The following SRGAP1 variants were observed in gnomAD, a reference collection of about 807,000 sequenced individuals.
SRGAP1 encodes SLIT-ROBO Rho GTPase activating protein 1.
In SRGAP1, 43 loss-of-function variants were observed where a neutral mutation model predicts 121.9. The observed-to-expected ratio is 0.35, with a 90% confidence interval of 0.28 to 0.46. The LOEUF (loss-of-function observed/expected upper bound fraction) is 0.46, where lower values mean the gene tolerates loss of function less well. SRGAP1 is among the 20% of genes least tolerant of loss of function. SRGAP1 has a pLI of 1.00. For missense variants in SRGAP1, 1,102 were observed against 1,350.9 expected (o/e 0.82, Z 2.89); for synonymous variants, 447 against 485.4 (o/e 0.92, Z 1.04).
At chr12:63,848,781 A>T (rs1339462930) in intron 1 of SRGAP1, among the ~76,000 whole-genome samples, 2 of 152,186 alleles carry the variant, frequency 1.3e-5, no homozygotes, top group Non-Finnish European at 2.9e-5. Context: ...TTGCCTCATA[A>T]AATTTTCAAG....
At chr12:63,887,559 C>T (rs1250553271) in intron 1 of SRGAP1, 1 of 152,190 alleles carries the variant, frequency 6.6e-6, no homozygotes, top group Non-Finnish European at 1.5e-5. Flanking sequence ...TCCCAGGGGC[C>T]ATTTGCTCCC....
intron 1 of SRGAP1, among the ~76,000 whole-genome samples, chr12:63,945,999 A>G (rs1054144544): frequency 1.2e-4 from 18 of 152,194 alleles, no homozygotes; most frequent in South Asian, 4.2e-4. Context: ...TCACCCACAC[A>G]TACCTTCCTA....
chr12:64,084,271 AT>A (rs1260341669), intron 10 of SRGAP1, among the ~76,000 whole-genome samples: 2 of 152,100 alleles, frequency 1.3e-5, no homozygotes, highest in Non-Finnish European at 2.9e-5. Flanking sequence ...CTGAAAAAAA[AT>A]GTTTGAACCA....
At chr12:64,132,629 G>T (rs183259812) in intron 21 of SRGAP1, among the ~76,000 whole-genome samples, 2 of 152,198 alleles carry the variant, frequency 1.3e-5, no homozygotes, top group African/African-American at 4.8e-5. Context: ...GAGGTAGAAG[G>T]TCCCTGAATT....
chr12:64,046,295 T>C (rs2035128846), intron 6 of SRGAP1, among the ~76,000 whole-genome samples: 1 of 152,170 alleles, frequency 6.6e-6, no homozygotes, highest in African/African-American at 2.4e-5. Flanking sequence ...CTATGTGTGA[T>C]GGGGAGCCAT....
intron 1 of SRGAP1, among the ~76,000 whole-genome samples, chr12:63,856,252 C>CTAAA (rs79879818): frequency 0.12 from 17,915 of 146,166 alleles, 1,193 homozygotes; most frequent in Non-Finnish European, 0.14. Flanking sequence ...AACTCCGTCT[C>CTAAA]TAAATAAATA....
chr12:63,954,688 A>AAAAAAAAAAAAAAAAAAAG (rs57230527), intron 1 of SRGAP1, among the ~76,000 whole-genome samples: 6 of 130,216 alleles, frequency 4.6e-5, no homozygotes, highest in African/African-American at 8.5e-5. Context: ...AAAAAAAAAA[A>AAAAAAAAAAAAAAAAAAAG]AAAAGAAAAG....
chr12:64,131,924 C>T (rs569719067), intron 21 of SRGAP1, among the ~76,000 whole-genome samples: 1 of 152,184 alleles, frequency 6.6e-6, no homozygotes, highest in South Asian at 2.1e-4. Flanking sequence ...TGCCTGTAAT[C>T]CCAGCACTTT....
In SRGAP1 at chr12:64,016,970, A is replaced by C. The variant is rs781626187; in HGVS notation, c.447A>C (p.Gln149His). The C allele has an allele frequency of 7.0e-5, 108 of 1,551,060 alleles. No individual in the cohort carries two copies. Among genetic ancestry groups the C allele is most frequent in the Non-Finnish European group, 8.9e-5 (101 of 1,129,572 alleles). The stretch of plus-strand genomic sequence containing the variant: ...TACAGAGCAAAGAGATTGCATTCCA[A>C]CTTCATGAGGATTTAATGAAGGTTC... ...MFKKSKEIAF[Q>H]LHEDLMKVLN... Residue 149 changes from glutamine (Q) to histidine (H), a missense_variant, in exon 4 of 22, where the codon CAA becomes CAC. Transcript: ENST00000355086.
Position 64,097,369 on chromosome 12 carries a change from T to A in SRGAP1, c.1807T>A (p.Cys603Ser). ...PKERFNDLIS[C>S]IRIDNLYERA... ...GGAAAGATTTAACGATCTGATTTCTTGTATCAGTAAGTGGACATTTTTTTC... is the reference window on the plus strand; with the variant it reads ...GGAAAGATTTAACGATCTGATTTCTAGTATCAGTAAGTGGACATTTTTTTC... The change falls in exon 15 of 22, where the codon TGT becomes AGT. Residue 603 changes from cysteine (C) to serine (S), a missense_variant. Transcript: ENST00000355086. 1 of 1,606,760 alleles carries A rather than the reference T, an allele frequency of 6.2e-7. No homozygotes were observed.
chr12:64,106,038 G>A (rs2036339770), intron 15 of SRGAP1, among the ~76,000 whole-genome samples: 1 of 152,056 alleles, frequency 6.6e-6, no homozygotes, highest in Non-Finnish European at 1.5e-5. Flanking sequence ...AATTGTTTTA[G>A]AGACAATGTA....
intron 14 of SRGAP1, among the ~76,000 whole-genome samples, chr12:64,096,799 T>C (rs757307254): frequency 6.6e-6 from 1 of 152,194 alleles, no homozygotes; most frequent in Non-Finnish European, 1.5e-5. Context: ...CAGTGGCACC[T>C]ATGACATTTC....
chr12:64,142,876 A>T lies in SRGAP1; in HGVS notation c.*204A>T. 1.5e-6 allele frequency: 1 copy of T among 669,222 alleles called. No homozygotes were observed. Among genetic ancestry groups the T allele is most frequent in the South Asian group, 2.1e-5 (1 of 47,476 alleles). 41.5% of individuals were successfully genotyped at this position (669,222 alleles called of 1,614,324 possible). On this transcript the variant is annotated 3_prime_UTR_variant, in exon 22 of 22. Transcript: ENST00000355086. Reference sequence around the variant, plus strand: ...TTGTAATTTTTTTAAATAACTGGACATATGTCATTTTAAGGACAATAGAAA... The same window carrying T: ...TTGTAATTTTTTTAAATAACTGGACTTATGTCATTTTAAGGACAATAGAAA...
At chr12:63,889,410 C>A (rs538563456) in intron 1 of SRGAP1, among the ~76,000 whole-genome samples, 1 of 152,120 alleles carries the variant, frequency 6.6e-6, no homozygotes, top group Non-Finnish European at 1.5e-5. Context: ...GGGTGATCCC[C>A]GTTCCTATTC....
intron 16 of SRGAP1, among the ~76,000 whole-genome samples, chr12:64,109,967 A>G (rs2036405355): frequency 6.6e-6 from 1 of 152,092 alleles, no homozygotes; most frequent in Non-Finnish European, 1.5e-5. Flanking sequence ...ACCATACAGA[A>G]TGAGACTCTA....
rs71089906 is a variant in SRGAP1, at chr12:63,949,396, T to TTTATTA, written c.68-34509_68-34504dup. Among the ~76,000 whole-genome samples the TTTATTA allele has an allele frequency of 3.5e-3, 436 of 126,054 alleles. 1 individual carries two copies. Among genetic ancestry groups the TTTATTA allele is most frequent in the Middle Eastern group, 8.2e-3 (2 of 244 alleles). The allele number at this position is 126,054 out of a possible 152,430, so 82.7% of individuals were successfully genotyped here. On this transcript the variant is annotated intron_variant, in intron 1 of 21. Coordinates refer to ENST00000355086, the MANE Select transcript of SRGAP1 (RefSeq NM_020762.4). ...TGTCTTGGATCAGACATTTTTATTATTTATTATTATTATTATTATTATTAT... is the reference window on the plus strand; with the variant it reads ...TGTCTTGGATCAGACATTTTTATTATTTATTATTATTATTATTATTATTATTATTAT...
intron 1 of SRGAP1, among the ~76,000 whole-genome samples, chr12:63,967,500 G>C (rs12306001): frequency 6.6e-6 from 1 of 152,180 alleles, no homozygotes; most frequent in African/African-American, 2.4e-5. Flanking sequence ...GTTGGCATTC[G>C]ATACATTTTT....
At chr12:64,103,499 C>T (rs976540273) in intron 15 of SRGAP1, among the ~76,000 whole-genome samples, 2 of 152,118 alleles carry the variant, frequency 1.3e-5, no homozygotes. Flanking sequence ...AATTTATTTG[C>T]CTTTTCTGAT....
intron 1 of SRGAP1, among the ~76,000 whole-genome samples, chr12:63,880,677 G>A (rs899158700): frequency 1.3e-5 from 2 of 152,076 alleles, no homozygotes; most frequent in African/African-American, 2.4e-5. Context: ...AGAATCTCAG[G>A]TCCTCAGTTT....
Sources: allele counts gnomAD v4.1 joint callset (sites outside exome capture counted in the v4.1 genomes callset), GRCh38; gene constraint gnomAD v4.1.1; transcripts MANE v1.5; gene names NCBI Gene and HGNC (gene_info 2026-07-23, HGNC 2026-07-21).